ACVR1: variants seen among roughly 807,000 people sequenced by gnomAD.
ACVR1 encodes activin A receptor type 1.
Under a neutral mutation model 57.1 loss-of-function variants are expected in ACVR1, and 38 were observed. That is an observed-to-expected ratio of 0.67 (90% CI 0.51 to 0.87). The LOEUF (loss-of-function observed/expected upper bound fraction) is 0.87, where lower values mean the gene tolerates loss of function less well. Ranked by LOEUF, ACVR1 falls within the 40% of genes least tolerant of loss-of-function variation. The pLI is 0.00. For missense variants in ACVR1, 463 were observed against 638.2 expected, an observed-to-expected ratio of 0.73 and a Z score of 2.96; for synonymous variants, 212 against 228.1, an observed-to-expected ratio of 0.93 and a Z score of 0.63.
chr2:157,751,227 C>T (rs2105236199), intron 9 of ACVR1, among the ~76,000 whole-genome samples: 1 of 152,302 alleles, frequency 6.6e-6, no homozygotes, highest in East Asian at 1.9e-4. Context: ...AAGGATTTGA[C>T]CTTACCTGGA....
chr2:157,830,096 GT>G (rs1688530982), intron 1 of ACVR1, among the ~76,000 whole-genome samples: 1 of 152,180 alleles, frequency 6.6e-6, no homozygotes, highest in South Asian at 2.1e-4. Context: ...GCAGGCTCCT[GT>G]AATCCCAGCT....
chr2:157,844,301 T>C (rs1374802630), intron 1 of ACVR1, among the ~76,000 whole-genome samples: 1 of 152,090 alleles, frequency 6.6e-6, no homozygotes, highest in Non-Finnish European at 1.5e-5. Context: ...CAGTGACAGC[T>C]CTGCCCCCAA....
intron 5 of ACVR1, among the ~76,000 whole-genome samples, chr2:157,776,046 G>A (rs12990362): frequency 0.01 from 1,525 of 152,252 alleles, 10 homozygotes; most frequent in Middle Eastern, 0.034. Context: ...CAATGTAGAC[G>A]TGCTGTTTAG....
intron 6 of ACVR1, among the ~76,000 whole-genome samples, chr2:157,772,194 T>G (rs548701932): frequency 2.0e-5 from 3 of 152,322 alleles, no homozygotes; most frequent in African/African-American, 4.8e-5. Context: ...TTTTGCAAAT[T>G]CATCATTATG....
intron 9 of ACVR1, among the ~76,000 whole-genome samples, chr2:157,743,784 G>C (rs1025569621): frequency 7.2e-5 from 11 of 151,760 alleles, no homozygotes; most frequent in African/African-American, 2.7e-4. Flanking sequence ...CAAGTGTTCT[G>C]TCAAATAAGT....
intron 9 of ACVR1, among the ~76,000 whole-genome samples, chr2:157,741,163 C>G (rs1684745095): frequency 6.6e-6 from 1 of 151,924 alleles, no homozygotes. Context: ...TTCCCTGAGA[C>G]AATGGAAATC....
At chr2:157,758,336 T>G (rs1239749034) in intron 9 of ACVR1, among the ~76,000 whole-genome samples, 2 of 151,998 alleles carry the variant, frequency 1.3e-5, no homozygotes, top group African/African-American at 4.8e-5. Flanking sequence ...CAGTTCGTCC[T>G]GTGAAACCCA....
chr2:157,827,619 A>C (rs563458052), intron 1 of ACVR1, among the ~76,000 whole-genome samples: 42 of 152,360 alleles, frequency 2.8e-4, no homozygotes, highest in Non-Finnish European at 4.7e-4. Flanking sequence ...CAGTCAACAA[A>C]TACTTGTTGG....
chr2:157,865,099 GAAAA>G (rs59833492), intron 1 of ACVR1, among the ~76,000 whole-genome samples: 3 of 113,898 alleles, frequency 2.6e-5, no homozygotes, highest in Non-Finnish European at 1.8e-5. Context: ...ACTTACACAG[GAAAA>G]AAAAAAAAAA....
intron 9 of ACVR1, among the ~76,000 whole-genome samples, chr2:157,752,252 G>C (rs1685230704): frequency 6.6e-6 from 1 of 152,118 alleles, no homozygotes; most frequent in Non-Finnish European, 1.5e-5. Flanking sequence ...CCTAGGAAAA[G>C]GGGAAGAGTA....
At chr2:157,751,480 G>A (rs180699075) in intron 9 of ACVR1, among the ~76,000 whole-genome samples, 39 of 152,314 alleles carry the variant, frequency 2.6e-4, no homozygotes, top group African/African-American at 8.9e-4. Context: ...GCAGGAATCC[G>A]GTGTCCAGAC....
At position 157,795,377 on chromosome 2, in the gene ACVR1, A is replaced by AACAC. The variant is rs4029027; in HGVS notation, c.67+4046_67+4049dup. On this transcript the variant is annotated intron_variant, in intron 3 of 10. Coordinates refer to ENST00000434821, the MANE Select transcript of ACVR1 (RefSeq NM_001111067.4). Reference sequence around the variant, plus strand: ...TATAAAAACAAAATGCCTTCCATAGAACACACACACACACACACACACACA... The same window carrying AACAC: ...TATAAAAACAAAATGCCTTCCATAGAACACACACACACACACACACACACACACA... 6.6e-3 allele frequency among the ~76,000 whole-genome samples: 885 copies of AACAC among 134,178 alleles called. 11 individuals carry two copies. Among genetic ancestry groups the AACAC allele is most frequent in the African/African-American group, 0.019 (682 of 35,358 alleles). The allele number at this position is 134,178 out of a possible 152,430, so 88.0% of individuals were successfully genotyped here. A position where few individuals can be genotyped will look rare whatever the true frequency, so the allele number is the denominator to read the frequency against.
chr2:157,870,336 T>C (rs1307662050), intron 1 of ACVR1, among the ~76,000 whole-genome samples: 1 of 152,184 alleles, frequency 6.6e-6, no homozygotes, highest in Non-Finnish European at 1.5e-5. Flanking sequence ...ATCAAAGTAA[T>C]CTTGCTTTTC....
At chr2:157,871,764 G>A (rs954874129) in intron 1 of ACVR1, among the ~76,000 whole-genome samples, 1 of 152,180 alleles carries the variant, frequency 6.6e-6, no homozygotes, top group African/African-American at 2.4e-5. Flanking sequence ...CGAATGTGTG[G>A]TTAGTTTGAA....
Position 157,760,728 on chromosome 2 carries a change from C to T in ACVR1, c.1264+152G>A, listed in dbSNP as rs1291569772. 1.1e-5 allele frequency: 8 copies of T among 735,650 alleles called. No individual in the cohort carries two copies. In the East Asian group the frequency reaches 1.9e-4, roughly 17 times the overall value. The allele number at this position is 735,650 out of a possible 1,614,324, so 45.6% of individuals were successfully genotyped here. On this transcript the variant is annotated intron_variant, in intron 9 of 10. Coordinates refer to ENST00000434821, the MANE Select transcript of ACVR1 (RefSeq NM_001111067.4). Reference sequence around the variant, plus strand: ...AAACATAAAAGCCATTACACTCCATCTACCAGCCATAAATCAAATATGAAT... The same window carrying T: ...AAACATAAAAGCCATTACACTCCATTTACCAGCCATAAATCAAATATGAAT...
Position 157,855,807 on chromosome 2 carries a change from G to A in ACVR1, c.-183+19989C>T, listed in dbSNP as rs79547996. Among the ~76,000 whole-genome samples, 1,518 of 152,166 alleles carry A rather than the reference G, an allele frequency of 1.0e-2. 16 individuals carry two copies. The highest frequency in any genetic ancestry group is 0.034 in the African/African-American group (1,414 of 41,512). On this transcript the variant is annotated intron_variant, in intron 1 of 10. Coordinates refer to ENST00000434821, the MANE Select transcript of ACVR1 (RefSeq NM_001111067.4). Reference sequence around the variant, plus strand: ...CCTTCAGCAAAAGGGTGGCTGCATCGAGTGGTGGGAAATGACTTGATGTTT... The same window carrying A: ...CCTTCAGCAAAAGGGTGGCTGCATCAAGTGGTGGGAAATGACTTGATGTTT...
At chr2:157,753,424 A>C (rs1685289723) in intron 9 of ACVR1, among the ~76,000 whole-genome samples, 1 of 152,136 alleles carries the variant, frequency 6.6e-6, no homozygotes, top group Admixed American at 6.5e-5. Context: ...GCTACTCAGG[A>C]GGCTGAGGCA....
intron 3 of ACVR1, among the ~76,000 whole-genome samples, chr2:157,798,614 G>A (rs879811495): frequency 4.0e-4 from 61 of 151,822 alleles, no homozygotes; most frequent in Non-Finnish European, 5.7e-4. Flanking sequence ...TGCAACCTCC[G>A]CCTCCCAGGT....
At chr2:157,740,450 A>T (rs1229500826) in intron 9 of ACVR1, among the ~76,000 whole-genome samples, 1 of 152,150 alleles carries the variant, frequency 6.6e-6, no homozygotes, top group Non-Finnish European at 1.5e-5. Context: ...CTGAACATGG[A>T]CCTAGAGAGA....
Sources: gnomAD v4.1 joint callset for allele counts (sites outside exome capture counted in the v4.1 genomes callset) on GRCh38, gnomAD v4.1.1 for gene constraint, MANE v1.5 for transcripts, NCBI Gene and HGNC (gene_info 2026-07-23, HGNC 2026-07-21) for gene names.